The following SLC2A13 variants were observed in gnomAD, a reference collection of about 807,000 sequenced individuals.
SLC2A13 encodes the protein solute carrier family 2 member 13, also known as proton myo-inositol cotransporter.
SLC2A13 carries 32 observed loss-of-function variants against 64.4 expected under a neutral mutation model. The ratio of observed to expected loss-of-function variants is 0.50; its 90% CI spans 0.37 to 0.67. The LOEUF is 0.67. SLC2A13 is among the 30% of genes least tolerant of loss of function. The pLI, the probability that SLC2A13 is intolerant of heterozygous loss-of-function variation, is 0.00. For synonymous variants in SLC2A13, 338 were observed against 327.1 expected (o/e 1.03, Z -0.36); for missense variants, 743 against 829.2 (o/e 0.90, Z 1.28).
intron 2 of SLC2A13, among the ~76,000 whole-genome samples, chr12:40,032,405 C>T (rs1375635167): frequency 3.9e-5 from 6 of 152,184 alleles, no homozygotes; most frequent in Admixed American, 3.9e-4. Flanking sequence ...TTAAAATTTT[C>T]TAAACTTACA....
intron 4 of SLC2A13, among the ~76,000 whole-genome samples, chr12:39,884,327 T>TTA (rs1226234820): frequency 6.6e-6 from 1 of 152,144 alleles, no homozygotes; most frequent in African/African-American, 2.4e-5. Context: ...CACAAGGAAC[T>TTA]TACACATGTC....
At chr12:39,983,120 G>A (rs1946947158) in intron 3 of SLC2A13, among the ~76,000 whole-genome samples, 1 of 151,752 alleles carries the variant, frequency 6.6e-6, no homozygotes, top group Non-Finnish European at 1.5e-5. Flanking sequence ...AAACTGGCTA[G>A]CCATATGTAG....
chr12:39,899,992 A>G (rs1180202896), intron 4 of SLC2A13, among the ~76,000 whole-genome samples: 1 of 151,176 alleles, frequency 6.6e-6, no homozygotes, highest in Admixed American at 6.8e-5. Context: ...CTTATCCACC[A>G]TGATCAAGTG....
chr12:39,788,203 C>T (rs1941257824), intron 7 of SLC2A13, among the ~76,000 whole-genome samples: 1 of 152,084 alleles, frequency 6.6e-6, no homozygotes, highest in South Asian at 2.1e-4. Context: ...CATTTTCCTA[C>T]ATTTATAAAC....
chr12:39,938,496 G>A (rs970104109), intron 4 of SLC2A13, among the ~76,000 whole-genome samples: 9 of 93,412 alleles, frequency 9.6e-5, no homozygotes, highest in Admixed American at 5.0e-4. Context: ...GTAAATATTG[G>A]TTGAAGGCAT....
intron 6 of SLC2A13, among the ~76,000 whole-genome samples, chr12:39,844,001 T>C (rs1471728695): frequency 6.6e-6 from 1 of 151,932 alleles, no homozygotes; most frequent in East Asian, 1.9e-4. Context: ...GTCATAGAGC[T>C]TTACCAAAAA....
chr12:39,858,066 C>T (rs145316916), intron 6 of SLC2A13, among the ~76,000 whole-genome samples: 3 of 152,246 alleles, frequency 2.0e-5, no homozygotes, highest in Non-Finnish European at 2.9e-5. Flanking sequence ...AAAGTTATGG[C>T]GAACTCAAAG....
chr12:40,104,304 G>A (rs2136311997), intron 1 of SLC2A13, among the ~76,000 whole-genome samples: 1 of 152,318 alleles, frequency 6.6e-6, no homozygotes, highest in Middle Eastern at 3.4e-3. Flanking sequence ...CCTCAAAAGT[G>A]CTTTCTAATA....
chr12:40,082,913 C>G (rs1938460139), intron 1 of SLC2A13, among the ~76,000 whole-genome samples: 1 of 152,140 alleles, frequency 6.6e-6, no homozygotes, highest in Non-Finnish European at 1.5e-5. Context: ...GCAGGGTTTC[C>G]TCCCCCACTT....
At chr12:39,833,078 T>C (rs1281387673) in intron 6 of SLC2A13, among the ~76,000 whole-genome samples, 1 of 152,106 alleles carries the variant, frequency 6.6e-6, no homozygotes, top group Non-Finnish European at 1.5e-5. Flanking sequence ...ATTATTATCA[T>C]CTATGACCTG....
At chr12:39,844,893 C>T (rs901958300) in intron 6 of SLC2A13, among the ~76,000 whole-genome samples, 19 of 151,946 alleles carry the variant, frequency 1.3e-4, no homozygotes, top group Non-Finnish European at 1.2e-4. Flanking sequence ...CAACAGAATA[C>T]GCTTTAGAAA....
At chr12:40,044,374 A>G (rs951540079) in intron 2 of SLC2A13, among the ~76,000 whole-genome samples, 6 of 152,124 alleles carry the variant, frequency 3.9e-5, no homozygotes, top group Non-Finnish European at 8.8e-5. Flanking sequence ...GGTGACGAAA[A>G]TGTTCTAAAT....
At chr12:39,959,705 G>A (rs1353489109) in intron 3 of SLC2A13, among the ~76,000 whole-genome samples, 1 of 152,140 alleles carries the variant, frequency 6.6e-6, no homozygotes, top group African/African-American at 2.4e-5. Context: ...TAACAGTCAT[G>A]GGAGTGTGGT....
rs1026656529 is a variant in SLC2A13 at position 39,891,982 on chromosome 12, T to A, written c.1035-20021A>T. 2.6e-5 allele frequency among the ~76,000 whole-genome samples: 4 copies of A among 152,334 alleles called. No homozygotes were observed. The East Asian group carries it at 5.8e-4, about 22-fold the overall frequency. On this transcript the variant is annotated intron_variant, in intron 4 of 9. Transcript: ENST00000280871. ...AATATGGTTATCTGAACGATTTTTT[T>A]ACTAGGTTTAATCAAGTCTATTAAT...
At chr12:40,018,855 C>A (rs1947663191) in intron 3 of SLC2A13, among the ~76,000 whole-genome samples, 1 of 152,154 alleles carries the variant, frequency 6.6e-6, no homozygotes, top group Admixed American at 6.6e-5. Context: ...CCCTGAGAGT[C>A]AGAAGGCACT....
At chr12:39,970,521 T>G (rs1271201319) in intron 3 of SLC2A13, among the ~76,000 whole-genome samples, 1 of 152,206 alleles carries the variant, frequency 6.6e-6, no homozygotes, top group Non-Finnish European at 1.5e-5. Flanking sequence ...CTCTAACATT[T>G]CTTTGTTTCA....
At position 39,942,826 on chromosome 12, in the gene SLC2A13, G is replaced by T. The variant is rs546330834; in HGVS notation, c.1034+8431C>A. On this transcript the variant is annotated intron_variant, in intron 4 of 9. Transcript: ENST00000280871. ...TGGTGAGGAGTTGTGATCCTTTGAA[G>T]ATGAGGTTTTCTGGTTTTTGGAATT... Among the ~76,000 whole-genome samples the T allele has an allele frequency of 1.0e-3, 155 of 152,280 alleles. 1 individual carries two copies. The highest frequency in any genetic ancestry group is 3.4e-3 in the African/African-American group (142 of 41,564).
At chr12:39,973,164 A>G (rs564488242) in intron 3 of SLC2A13, among the ~76,000 whole-genome samples, 1 of 152,286 alleles carries the variant, frequency 6.6e-6, no homozygotes, top group African/African-American at 2.4e-5. Context: ...TCCTCTCCAC[A>G]AATTCACTGA....
chr12:39,812,996 ATT>A (rs71449493), intron 7 of SLC2A13, among the ~76,000 whole-genome samples: 207 of 40,580 alleles, frequency 5.1e-3, no homozygotes, highest in Non-Finnish European at 6.9e-3. Context: ...TGCCCAGCTA[ATT>A]TTTTTTTTTT....
Sources: gnomAD v4.1 joint callset for allele counts (sites outside exome capture counted in the v4.1 genomes callset) on GRCh38, gnomAD v4.1.1 for gene constraint, MANE v1.5 for transcripts, NCBI Gene and HGNC (gene_info 2026-07-23, HGNC 2026-07-21) for gene names.